Variants in TLR4 observed in about 807,000 individuals in gnomAD.
The protein encoded by TLR4 is toll-like receptor 4.
A neutral mutation model predicts 27.4 loss-of-function variants in TLR4; 17 were observed. The ratio of observed to expected loss-of-function variants is 0.62; its 90% CI spans 0.42 to 0.93. The LOEUF (loss-of-function observed/expected upper bound fraction) is 0.93, where lower values mean the gene tolerates loss of function less well. TLR4 is among the 40% of genes least tolerant of loss of function. The pLI is 0.00. For synonymous variants in TLR4, 363 were observed against 365.7 expected (o/e 0.99, Z 0.08); for missense variants, 926 against 962.3 (o/e 0.96, Z 0.50).
At chr9:117,711,592 T>G (rs978138739) in intron 2 of TLR4, among the ~76,000 whole-genome samples, 1 of 152,206 alleles carries the variant, frequency 6.6e-6, no homozygotes, top group African/African-American at 2.4e-5. Flanking sequence ...AAGCTATTTG[T>G]CATGATTCCT....
chr9:117,707,290 A>AT, intron 1 of TLR4, among the ~76,000 whole-genome samples: 1 of 152,314 alleles, frequency 6.6e-6, no homozygotes, highest in Middle Eastern at 3.4e-3. Context: ...GACTTTGCGC[A>AT]TATTACTTCA....
Position 117,713,511 on chromosome 9 carries a change from T to C in TLR4, c.1383T>C (p.Val461=). ...ACATTTCTCATACTCACACCAGAGT[T>C]GCTTTCAATGGCATCTTCAATGGCT... ...YLDISHTHTR[V]AFNGIFNGLS... Residue 461 remains valine, a synonymous_variant, in exon 3 of 3, where the codon GTT becomes GTC. Transcript: ENST00000355622. 1 of 1,614,170 alleles carries C rather than the reference T, an allele frequency of 6.2e-7. No homozygotes were observed.
chr9:117,719,246 A>G lies in TLR4; in HGVS notation c.*4598A>G, dbSNP rs1297809644. 1 of 107,110 alleles carries G rather than the reference A, an allele frequency of 9.3e-6. No individual in the cohort carries two copies. The highest frequency in any genetic ancestry group is 2.1e-5 in the Non-Finnish European group (1 of 48,672). 6.6% of individuals were successfully genotyped at this position (107,110 alleles called of 1,614,324 possible). On this transcript the variant is annotated 3_prime_UTR_variant, in exon 3 of 3. Coordinates refer to ENST00000355622, the MANE Select transcript of TLR4 (RefSeq NM_138554.5). ...GCAAGGGCTTTATTTGTGCTATCTC[A>G]GTTTGTCACATCAATGAATTAGAAA...
rs1829253509 is a variant in TLR4 at position 117,712,640 on chromosome 9, T to C, written c.512T>C (p.Phe171Ser). ...LIQSFKLPEY[F>S]SNLTNLEHLD... The stretch of plus-strand genomic sequence containing the variant: ...CAATCTTTCAAATTACCTGAGTATT[T>C]TTCTAATCTGACCAATCTAGAGCAC... Residue 171 changes from phenylalanine to serine, a missense_variant, in exon 3 of 3, where the codon TTT (phenylalanine) becomes TCT (serine). Physicochemically the swap from Phe to Ser is radical, Grantham distance 155. Transcript: ENST00000355622. 1.9e-6 allele frequency: 3 copies of C among 1,614,094 alleles called. No homozygotes were observed. The highest frequency in any genetic ancestry group is 2.5e-6 in the Non-Finnish European group (3 of 1,180,002).
Position 117,722,476 on chromosome 9 carries a change from A to G in TLR4, c.*7828A>G, listed in dbSNP as rs1232071258. 1 of 152,182 alleles carries G rather than the reference A, an allele frequency of 6.6e-6. No individual in the cohort carries two copies. Among genetic ancestry groups the G allele is most frequent in the East Asian group, 1.9e-4 (1 of 5,190 alleles). The allele number at this position is 152,182 out of a possible 1,614,324, so 9.4% of individuals were successfully genotyped here. A position where few individuals can be genotyped will look rare whatever the true frequency, so the allele number is the denominator to read the frequency against. The stretch of plus-strand genomic sequence containing the variant: ...CTTGCAAAGAGCACTTTTGAAATTA[A>G]TGGCAGGGGATGAATATCTGGCTAG... On this transcript the variant is annotated 3_prime_UTR_variant, in exon 3 of 3. Transcript: ENST00000355622.
rs972595196 is a variant in TLR4, at chr9:117,720,231, C to G, written c.*5583C>G. 5.3e-5 allele frequency: 8 copies of G among 152,092 alleles called. No homozygotes were observed. The highest frequency in any genetic ancestry group is 1.0e-4 in the Non-Finnish European group (7 of 68,024). 9.4% of individuals were successfully genotyped at this position (152,092 alleles called of 1,614,324 possible). ...GATATGAACTTGGGTTGGCCTGATT[C>G]TTGGGGCTGCATTCTTTCCATAACA... On this transcript the variant is annotated 3_prime_UTR_variant, in exon 3 of 3. Coordinates refer to ENST00000355622, the MANE Select transcript of TLR4 (RefSeq NM_138554.5).
rs753477338 is a variant in TLR4 at position 117,713,173 on chromosome 9, A to G, written c.1045A>G (p.Lys349Glu). 3.7e-6 allele frequency: 6 copies of G among 1,613,908 alleles called. No individual in the cohort carries two copies. In the African/African-American group the frequency reaches 8.0e-5, roughly 22 times the overall value. Residue 349 changes from lysine (K) to glutamate (E), a missense_variant, in exon 3 of 3, where the codon AAA becomes GAA. Lys to Glu is a moderately conservative substitution (Grantham distance 56). Coordinates refer to ENST00000355622, the MANE Select transcript of TLR4 (RefSeq NM_138554.5). Reference sequence around the variant, plus strand: ...TAAATTTGGACAGTTTCCCACATTGAAACTCAAATCTCTCAAAAGGCTTAC... The same window carrying G: ...TAAATTTGGACAGTTTCCCACATTGGAACTCAAATCTCTCAAAAGGCTTAC... ...NCKFGQFPTL[K>E]LKSLKRLTFT...
Position 117,704,443 on chromosome 9 carries a change from G to A in TLR4, c.-30G>A. 1.9e-6 allele frequency: 3 copies of A among 1,592,800 alleles called. No individual in the cohort carries two copies. Among genetic ancestry groups the A allele is most frequent in the Non-Finnish European group, 2.6e-6 (3 of 1,164,542 alleles). The stretch of plus-strand genomic sequence containing the variant: ...GCCACGCATTCACAGGGCCACTGCT[G>A]CTCACAGAAGCAGTGAGGATGATGC... On this transcript the variant is annotated 5_prime_UTR_variant, in exon 1 of 3. Coordinates refer to ENST00000355622, the MANE Select transcript of TLR4 (RefSeq NM_138554.5).
chr9:117,712,561 C>G lies in TLR4; in HGVS notation c.433C>G (p.Pro145Ala). 6.2e-7 allele frequency: 1 copy of G among 1,613,970 alleles called. No homozygotes were observed. Among genetic ancestry groups the G allele is most frequent in the Non-Finnish European group, 8.5e-7 (1 of 1,179,962 alleles). Residue 145 changes from proline (P) to alanine (A), a missense_variant, in exon 3 of 3, where the codon CCC (proline) becomes GCC (alanine). Pro to Ala is a conservative substitution (Grantham distance 27). Transcript: ENST00000355622. ...AAATCTAGCATCTCTAGAGAACTTC[C>G]CCATTGGACATCTCAAAACTTTGAA... ...ETNLASLENF[P>A]IGHLKTLKEL...
rs1163685579 is a variant in TLR4, at chr9:117,712,863, T to C, written c.735T>C (p.Thr245=). The change falls in exon 3 of 3, where the codon ACT becomes ACC. Residue 245 remains threonine (T), a synonymous_variant. Coordinates refer to ENST00000355622, the MANE Select transcript of TLR4 (RefSeq NM_138554.5). ...NNFDSLNVMK[T]CIQGLAGLEV... Reference sequence around the variant, plus strand: ...TTGATAGTTTAAATGTAATGAAAACTTGTATTCAAGGTCTGGCTGGTTTAG... The same window carrying C: ...TTGATAGTTTAAATGTAATGAAAACCTGTATTCAAGGTCTGGCTGGTTTAG... 1 of 1,614,052 alleles carries C rather than the reference T, an allele frequency of 6.2e-7. No homozygotes were observed.
rs1338067642 is a variant in TLR4 at position 117,724,387 on chromosome 9, C to T, written c.*9739C>T. 1 of 149,270 alleles carries T rather than the reference C, an allele frequency of 6.7e-6. No individual in the cohort carries two copies. Among genetic ancestry groups the T allele is most frequent in the Admixed American group, 6.6e-5 (1 of 15,104 alleles). 9.2% of individuals were successfully genotyped at this position (149,270 alleles called of 1,614,324 possible). Reference sequence around the variant, plus strand: ...CCTTCCTTTGCATTTTCTTATTGTGCACTAAGTTAGTTCTTGCTTAGTAAG... The same window carrying T: ...CCTTCCTTTGCATTTTCTTATTGTGTACTAAGTTAGTTCTTGCTTAGTAAG... On this transcript the variant is annotated 3_prime_UTR_variant, in exon 3 of 3. Transcript: ENST00000355622.
At position 117,712,840 on chromosome 9, in the gene TLR4, G is replaced by A. The variant is rs1464395397; in HGVS notation, c.712G>A (p.Asp238Asn). The change falls in exon 3 of 3, where the codon GAT becomes AAT. Residue 238 changes from aspartate to asparagine, a missense_variant. Asp to Asn is a conservative substitution (Grantham distance 23, BLOSUM62 1). Transcript: ENST00000355622. Reference protein sequence around the residue: ...LHKLTLRNNFDSLNVMKTCIQ... With the variant: ...LHKLTLRNNFNSLNVMKTCIQ... ...TAAGCTGACTTTAAGAAATAATTTT[G>A]ATAGTTTAAATGTAATGAAAACTTG... 1.9e-6 allele frequency: 3 copies of A among 1,613,904 alleles called. No individual in the cohort carries two copies. Among genetic ancestry groups the A allele is most frequent in the South Asian group, 1.1e-5 (1 of 91,064 alleles).
Position 117,713,751 on chromosome 9 carries a change from G to T in TLR4, c.1623G>T (p.Lys541Asn). The change falls in exon 3 of 3, where the codon AAG (lysine) becomes AAT (asparagine). Residue 541 changes from lysine (K) to asparagine (N), a missense_variant. Transcript: ENST00000355622. ...TTTCATTGGATACGTTTCCTTATAA[G>T]TGTCTGAACTCCCTCCAGGTTCTTG... Reference protein sequence around the residue: ...NFFSLDTFPYKCLNSLQVLDY... With the variant: ...NFFSLDTFPYNCLNSLQVLDY... 1 of 1,614,000 alleles carries T rather than the reference G, an allele frequency of 6.2e-7. No homozygotes were observed. The highest frequency in any genetic ancestry group is 1.3e-5 in the African/African-American group (1 of 75,042).
At position 117,713,708 on chromosome 9, in the gene TLR4, T is replaced by C; in HGVS notation, c.1580T>C (p.Met527Thr). 2 of 1,614,034 alleles carry C rather than the reference T, an allele frequency of 1.2e-6. No homozygotes were observed. Among genetic ancestry groups the C allele is most frequent in the South Asian group, 2.2e-5 (2 of 91,090 alleles). The change falls in exon 3 of 3, where the codon ATG (methionine) becomes ACG (threonine). Residue 527 changes from methionine (M) to threonine (T), a missense_variant. Met to Thr is a moderately conservative substitution (Grantham distance 81, BLOSUM62 -1). Coordinates refer to ENST00000355622, the MANE Select transcript of TLR4 (RefSeq NM_138554.5). ...CTCTCCAGTCTTCAGGTACTAAATA[T>C]GAGCCACAACAACTTCTTTTCATTG... ...NSLSSLQVLN[M>T]SHNNFFSLDT...
In TLR4 at chr9:117,710,922, A is replaced by ATT. The variant is rs555558439; in HGVS notation, c.261-1466_261-1465insTT. Reference sequence around the variant, plus strand: ...TACTTCTCTAAAGTGATTATCACCAATGTAATGATATAGAGACACAGCAAG... The same window carrying ATT: ...TACTTCTCTAAAGTGATTATCACCAATTTGTAATGATATAGAGACACAGCAAG... On this transcript the variant is annotated intron_variant, in intron 2 of 2. Transcript: ENST00000355622. Among the ~76,000 whole-genome samples, 17 of 152,282 alleles carry ATT rather than the reference A, an allele frequency of 1.1e-4. No individual in the cohort carries two copies. The East Asian group carries it at 3.3e-3, about 29-fold the overall frequency.
Position 117,714,251 on chromosome 9 carries a change from A to G in TLR4, c.2123A>G (p.His708Arg), listed in dbSNP as rs761598705. The G allele has an allele frequency of 1.9e-6, 3 of 1,600,806 alleles. No individual in the cohort carries two copies. The South Asian group carries it at 3.3e-5, about 18-fold the overall frequency. Reference sequence around the variant, plus strand: ...GTGCCTCCATTTCAGCTCTGCCTTCACTACAGAGACTTTATTCCCGGTGTG... The same window carrying G: ...GTGCCTCCATTTCAGCTCTGCCTTCGCTACAGAGACTTTATTCCCGGTGTG... ...EGVPPFQLCL[H>R]YRDFIPGVAI... Residue 708 changes from histidine (H) to arginine (R), a missense_variant, in exon 3 of 3, where the codon CAC (histidine) becomes CGC (arginine). His to Arg is a conservative substitution (Grantham distance 29). Transcript: ENST00000355622.
At chr9:117,708,929 G>A (rs1829184127) in intron 2 of TLR4, 200 bp downstream of exon 2, 2 of 620,702 alleles carry the variant, frequency 3.2e-6, no homozygotes, top group Non-Finnish European at 5.4e-6. Context: ...TGTGAAGTAG[G>A]CAGTTGGCTG....
chr9:117,710,025 A>G (rs1370664246), intron 2 of TLR4, among the ~76,000 whole-genome samples: 2 of 152,096 alleles, frequency 1.3e-5, no homozygotes, highest in Non-Finnish European at 2.9e-5. Flanking sequence ...TTTTTATAAA[A>G]TATATTTTAT....
rs944576832 is a variant in TLR4 at position 117,718,459 on chromosome 9, G to A, written c.*3811G>A. The A allele has an allele frequency of 6.6e-6, 1 of 151,806 alleles. No homozygotes were observed. Among genetic ancestry groups the A allele is most frequent in the African/African-American group, 2.4e-5 (1 of 41,338 alleles). 9.4% of individuals were successfully genotyped at this position (151,806 alleles called of 1,614,324 possible). The stretch of plus-strand genomic sequence containing the variant: ...CAAACAAAGGATATGTGAACAATAG[G>A]GTTAATCAATAATAAGTAGAAAATC... On this transcript the variant is annotated 3_prime_UTR_variant, in exon 3 of 3. Coordinates refer to ENST00000355622, the MANE Select transcript of TLR4 (RefSeq NM_138554.5).
Sources: allele counts gnomAD v4.1 joint callset (sites outside exome capture counted in the v4.1 genomes callset), GRCh38; gene constraint gnomAD v4.1.1; transcripts MANE v1.5; gene names NCBI Gene and HGNC (gene_info 2026-07-23, HGNC 2026-07-21).